DSG3: variants seen among roughly 807,000 people sequenced by gnomAD.
DSG3 encodes desmoglein-3.
Under a neutral mutation model 85.9 loss-of-function variants are expected in DSG3, and 63 were observed. The ratio of observed to expected loss-of-function variants is 0.73; its 90% CI spans 0.60 to 0.90. The LOEUF (loss-of-function observed/expected upper bound fraction) is 0.90, where lower values mean the gene tolerates loss of function less well. DSG3 is among the 40% of genes least tolerant of loss of function. The pLI, the probability that DSG3 is intolerant of heterozygous loss-of-function variation, is 0.00. For missense variants in DSG3, 1,220 were observed against 1,219.9 expected (o/e 1.00, Z 0.00); for synonymous variants, 447 against 441.9 (o/e 1.01, Z -0.14).
chr18:31,461,154 C>A, intron 7 of DSG3, 73 bp from the exon 8 acceptor site: 1 of 1,334,224 alleles, frequency 7.5e-7, no homozygotes, highest in African/African-American at 1.5e-5. Context: ...TAAGGATTAC[C>A]ATTTAGAAGA....
chr18:31,455,974 C>CTAATACAGGAAG (rs2072739432), intron 1 of DSG3, among the ~76,000 whole-genome samples: 1 of 152,172 alleles, frequency 6.6e-6, no homozygotes, highest in Non-Finnish European at 1.5e-5. Flanking sequence ...TTGTAGAGGA[C>CTAATACAGGAAG]TAATACAGGA....
chr18:31,449,469 C>CT (rs1254458575), intron 1 of DSG3, among the ~76,000 whole-genome samples: 9 of 150,800 alleles, frequency 6.0e-5, no homozygotes, highest in South Asian at 4.2e-4. Context: ...AAGGGGGATT[C>CT]TTTTTTTTTT....
chr18:31,458,771 A>T lies in DSG3; in HGVS notation c.372+171A>T, dbSNP rs35509653. On this transcript the variant is annotated intron_variant, in intron 4 of 15. Coordinates refer to ENST00000257189, the MANE Select transcript of DSG3 (RefSeq NM_001944.3). ...AGCCTCGCCTGAGGGAACACAGCAG[A>T]GGGTGCATGAGTGAGGGTTGAAATC... Among the ~76,000 whole-genome samples the T allele has an allele frequency of 0.041, 6,319 of 152,274 alleles. 170 individuals are homozygous for T. Among genetic ancestry groups the T allele is most frequent in the South Asian group, 0.077 (370 of 4,820 alleles).
chr18:31,470,022 G>A (rs2072846218), intron 12 of DSG3, among the ~76,000 whole-genome samples: 1 of 151,984 alleles, frequency 6.6e-6, no homozygotes, highest in African/African-American at 2.4e-5. Context: ...AGAAAACTAT[G>A]CGTAAGTATC....
At position 31,472,800 on chromosome 18, in the gene DSG3, T is replaced by C. The variant is rs371044195; in HGVS notation, c.2101+12T>C. On this transcript the variant is annotated intron_variant, in intron 14 of 15. Coordinates refer to ENST00000257189, the MANE Select transcript of DSG3 (RefSeq NM_001944.3). ...CATGGAAAGTTCTGGTAAGTGGACA[T>C]AAAATGTTTGAAAGCAATGGTGAGT... The C allele has an allele frequency of 1.8e-4, 294 of 1,613,052 alleles. No homozygotes were observed. The highest frequency in any genetic ancestry group is 2.4e-4 in the Non-Finnish European group (284 of 1,179,064).
intron 14 of DSG3, 74 bp downstream of exon 14, chr18:31,472,862 C>A: frequency 7.4e-7 from 1 of 1,349,572 alleles, no homozygotes; most frequent in South Asian, 1.2e-5. Flanking sequence ...AGTGTTCAAA[C>A]TATCTTCTTA....
intron 1 of DSG3, among the ~76,000 whole-genome samples, chr18:31,450,403 T>C (rs2072704301): frequency 2.0e-5 from 3 of 152,172 alleles, no homozygotes; most frequent in Admixed American, 2.0e-4. Flanking sequence ...GAGGGTCAGA[T>C]TGAAAAGTGC....
In DSG3 at chr18:31,466,767, A is replaced by G; in HGVS notation, c.1636+13A>G. On this transcript the variant is annotated intron_variant, in intron 11 of 15. Coordinates refer to ENST00000257189, the MANE Select transcript of DSG3 (RefSeq NM_001944.3). ...ACAACCCTCAATGGTGAGTAACAGTAAAGTTGCTTCTATAAATGCAAACTG... is the reference window on the plus strand; with the variant it reads ...ACAACCCTCAATGGTGAGTAACAGTGAAGTTGCTTCTATAAATGCAAACTG... 6.2e-7 allele frequency: 1 copy of G among 1,609,370 alleles called. No individual in the cohort carries two copies. Among genetic ancestry groups the G allele is most frequent in the Middle Eastern group, 1.7e-4 (1 of 6,050 alleles).
Position 31,458,580 on chromosome 18 carries a change from G to A in DSG3, c.352G>A (p.Glu118Lys), listed in dbSNP as rs2072764031. 1.1e-5 allele frequency: 17 copies of A among 1,613,342 alleles called. No individual in the cohort carries two copies. The highest frequency in any genetic ancestry group is 1.4e-5 in the Non-Finnish European group (16 of 1,179,654). Reference sequence around the variant, plus strand: ...TAACATAACAGCTATAGTCGACCGGGAGGAAACTCCAAGCTTCCTGGTAAG... The same window carrying A: ...TAACATAACAGCTATAGTCGACCGGAAGGAAACTCCAAGCTTCCTGGTAAG... ...DINITAIVDR[E>K]ETPSFLITCR... The change falls in exon 4 of 16, where the codon GAG (glutamate) becomes AAG (lysine). Residue 118 changes from glutamate to lysine, a missense_variant. Transcript: ENST00000257189.
intron 14 of DSG3, 151 bp from the exon 15 acceptor site, chr18:31,473,970 T>C: frequency 1.4e-6 from 1 of 692,070 alleles, no homozygotes; most frequent in Non-Finnish European, 2.4e-6. Context: ...CATAACACAT[T>C]GTGGGATGTT....
intron 1 of DSG3, among the ~76,000 whole-genome samples, chr18:31,449,099 T>C (rs994984327): frequency 6.6e-6 from 1 of 152,138 alleles, no homozygotes; most frequent in Non-Finnish European, 1.5e-5. Context: ...GGTTTTGCCA[T>C]GTTGACCAGT....
At position 31,476,226 on chromosome 18, in the gene DSG3, T is replaced by C. The variant is rs1323346295; in HGVS notation, c.2966T>C (p.Leu989Pro). Residue 989 changes from leucine (L) to proline (P), a missense_variant, in exon 16 of 16, where the codon CTC becomes CCC. By Grantham distance (98) the Leu-to-Pro change is moderately conservative (BLOSUM62 -3). Transcript: ENST00000257189. ...CAGCTACGAGGGTCACATACTATGCTCTGTACAGAGGATCCTTGCTCCCGT... is the reference window on the plus strand; with the variant it reads ...CAGCTACGAGGGTCACATACTATGCCCTGTACAGAGGATCCTTGCTCCCGT... Reference protein sequence around the residue: ...PTQLRGSHTMLCTEDPCSRLI With the variant: ...PTQLRGSHTMPCTEDPCSRLI The C allele has an allele frequency of 6.2e-7, 1 of 1,613,742 alleles. No homozygotes were observed. Among genetic ancestry groups the C allele is most frequent in the Admixed American group, 1.7e-5 (1 of 60,004 alleles).
chr18:31,460,076 G>A lies in DSG3; in HGVS notation c.684+65G>A, dbSNP rs1398074232. The A allele has an allele frequency of 4.7e-6, 7 of 1,496,480 alleles. No individual in the cohort carries two copies. The African/African-American group carries it at 9.8e-5, about 21-fold the overall frequency. The allele number at this position is 1,496,480 out of a possible 1,614,324, so 92.7% of individuals were successfully genotyped here. ...GTTTGATTATAAGAAAACCAAGAGA[G>A]GTGACTCCATTTTACCCGAAAATTA... On this transcript the variant is annotated intron_variant, in intron 6 of 15. Coordinates refer to ENST00000257189, the MANE Select transcript of DSG3 (RefSeq NM_001944.3).
At chr18:31,456,352 T>C (rs2072741752) in intron 1 of DSG3, 88 bp from the exon 2 acceptor site, 1 of 862,672 alleles carries the variant, frequency 1.2e-6, no homozygotes, top group Non-Finnish European at 1.6e-6. Context: ...ATATGAACAA[T>C]AGAATATAAT....
chr18:31,472,532 G>A (rs2144244607), intron 13 of DSG3, 109 bp downstream of exon 13: 2 of 1,380,496 alleles, frequency 1.4e-6, no homozygotes, highest in South Asian at 2.9e-5. Flanking sequence ...CAGTTTCAGA[G>A]TCAGTGCTGA....
intron 11 of DSG3, among the ~76,000 whole-genome samples, chr18:31,467,342 A>G (rs142508204): frequency 0.016 from 2,351 of 146,392 alleles, 30 homozygotes; most frequent in Non-Finnish European, 0.023. Context: ...AACTCCATCT[A>G]AAAAAAAAAA....
chr18:31,457,443 G>A (rs549761800), intron 3 of DSG3, among the ~76,000 whole-genome samples: 5 of 152,234 alleles, frequency 3.3e-5, no homozygotes, highest in Non-Finnish European at 5.9e-5. Flanking sequence ...GAAATGGTTG[G>A]GAGCAAAATA....
intron 6 of DSG3, among the ~76,000 whole-genome samples, chr18:31,460,509 G>C (rs779059408): frequency 1.3e-5 from 2 of 152,016 alleles, no homozygotes; most frequent in African/African-American, 2.4e-5. Flanking sequence ...CAGGCTACCC[G>C]GTCAGACCCC....
At position 31,470,197 on chromosome 18, in the gene DSG3, ACT is replaced by A. The variant is rs1233557647; in HGVS notation, c.1897+849_1897+850del. Among the ~76,000 whole-genome samples the A allele has an allele frequency of 6.6e-5, 10 of 152,220 alleles. No homozygotes were observed. The East Asian group carries it at 1.9e-3, about 29-fold the overall frequency. On this transcript the variant is annotated intron_variant, in intron 12 of 15. Coordinates refer to ENST00000257189, the MANE Select transcript of DSG3 (RefSeq NM_001944.3). ...CAAGAGAAATCCTTGCTAAATTCAC[ACT>A]TTCTTAATTTATTATAAAAATCACA...
Sources: allele counts gnomAD v4.1 joint callset (sites outside exome capture counted in the v4.1 genomes callset), GRCh38; gene constraint gnomAD v4.1.1; transcripts MANE v1.5; gene names NCBI Gene and HGNC (gene_info 2026-07-23, HGNC 2026-07-21).